SPRY3: variants seen among roughly 807,000 people sequenced by gnomAD.
SPRY3 encodes sprouty RTK signaling antagonist 3, also known as protein sprouty homolog 3.
In SPRY3, 15 loss-of-function variants were observed where a neutral mutation model predicts 20.2. The ratio of observed to expected loss-of-function variants is 0.74; its 90% CI spans 0.50 to 1.14. The LOEUF is 1.14. Ranked by LOEUF, SPRY3 falls within the 50% of genes most tolerant of loss-of-function variation. The pLI, the probability that SPRY3 is intolerant of heterozygous loss-of-function variation, is 0.00. For synonymous variants in SPRY3, 143 were observed against 136.5 expected, an observed-to-expected ratio of 1.05 and a Z score of -0.33; for missense variants, 364 against 363.9, an observed-to-expected ratio of 1.00 and a Z score of 0.00.
chrX:155,763,290 C>T (rs1019119716), intron 2 of SPRY3, among the ~76,000 whole-genome samples: 1 of 152,090 alleles, frequency 6.6e-6, no homozygotes, highest in African/African-American at 2.4e-5. Context: ...AAACTGACCT[C>T]CCCCTTCCAA....
intron 2 of SPRY3, among the ~76,000 whole-genome samples, chrX:155,737,229 G>A (rs696802): frequency 0.094 from 14,298 of 151,986 alleles, 1,347 homozygotes; most frequent in African/African-American, 0.25. Context: ...CTTCAGACTG[G>A]TTGTTTTTTT....
At chrX:155,747,508 C>T (rs1338975158) in intron 2 of SPRY3, among the ~76,000 whole-genome samples, 1 of 151,908 alleles carries the variant, frequency 6.6e-6, no homozygotes, top group Non-Finnish European at 1.5e-5. Flanking sequence ...GTTCTATCTC[C>T]ATTAATCCAT....
intron 2 of SPRY3, among the ~76,000 whole-genome samples, chrX:155,709,804 T>A (rs2090974078): frequency 6.6e-6 from 1 of 151,810 alleles, no homozygotes; most frequent in Admixed American, 6.6e-5. Context: ...TAGTCTTAGA[T>A]TTAAGTATTT....
intron 2 of SPRY3, among the ~76,000 whole-genome samples, chrX:155,740,768 C>T (rs1216861528): frequency 2.6e-5 from 4 of 152,108 alleles, no homozygotes; most frequent in Non-Finnish European, 5.9e-5. Context: ...AACATGTGAT[C>T]TTTGTTCTCC....
At chrX:155,708,805 G>A (rs1196585883) in intron 2 of SPRY3, among the ~76,000 whole-genome samples, 1 of 151,148 alleles carries the variant, frequency 6.6e-6, no homozygotes, top group African/African-American at 2.4e-5. Context: ...ATTGACTCTA[G>A]TTCCCCCATT....
chrX:155,624,777 G>A (rs963592551), intron 1 of SPRY3, among the ~76,000 whole-genome samples: 19 of 111,714 alleles, frequency 1.7e-4, no homozygotes, highest in South Asian at 7.3e-4. Flanking sequence ...CATAGTCCAG[G>A]ATAATGAACT....
At position 155,647,481 on chromosome X, in the gene SPRY3, A is replaced by G. The variant is rs868983338; in HGVS notation, c.-440-9386A>G. On this transcript the variant is annotated intron_variant, in intron 1 of 3. Transcript: ENST00000675360. ...TTGCCCCCACCCCCTGACAGGCCCCAGTGTGTGATGTTCCCCACCCTGTGC... is the reference window on the plus strand; with the variant it reads ...TTGCCCCCACCCCCTGACAGGCCCCGGTGTGTGATGTTCCCCACCCTGTGC... Among the ~76,000 whole-genome samples the G allele has an allele frequency of 4.5e-4, 48 of 106,425 alleles. 1 individual carries two copies. The highest frequency in any genetic ancestry group is 1.6e-3 in the African/African-American group (46 of 29,105). The allele number at this position is 106,425 out of a possible 115,157, so 92.4% of individuals were successfully genotyped here.
exon 4 of SPRY3, chrX:155,774,783 A>G: frequency 6.4e-7 from 1 of 1,567,632 alleles, no homozygotes. Flanking sequence ...TCGAGTCCCC[A>G]ACAGCAAAGC....
At chrX:155,711,619 C>T (rs2090986992) in intron 2 of SPRY3, among the ~76,000 whole-genome samples, 1 of 149,792 alleles carries the variant, frequency 6.7e-6, no homozygotes, top group African/African-American at 2.4e-5. Flanking sequence ...GTTTCATTGA[C>T]CTTTTGTATT....
At chrX:155,711,465 T>C (rs1602955046) in intron 2 of SPRY3, among the ~76,000 whole-genome samples, 1 of 151,568 alleles carries the variant, frequency 6.6e-6, no homozygotes, top group South Asian at 2.1e-4. Flanking sequence ...TAGCTGCTAG[T>C]GATCCTTTGA....
intron 2 of SPRY3, among the ~76,000 whole-genome samples, chrX:155,735,199 A>G (rs1263568860): frequency 1.3e-5 from 2 of 151,930 alleles, no homozygotes; most frequent in Admixed American, 6.6e-5. Context: ...TAATTCCAAT[A>G]TGGTCTAAGA....
chrX:155,651,439 G>A (rs782257450), intron 1 of SPRY3, among the ~76,000 whole-genome samples: 6 of 111,564 alleles, frequency 5.4e-5, no homozygotes, highest in South Asian at 3.7e-4. Context: ...CCCCCTGGTG[G>A]CTAATGATGT....
At chrX:155,635,544 G>A (rs1269879272) in intron 1 of SPRY3, among the ~76,000 whole-genome samples, 1 of 111,652 alleles carries the variant, frequency 9.0e-6, no homozygotes, top group Non-Finnish European at 1.9e-5. Flanking sequence ...CCATCAAAAA[G>A]TGGGCAAAGG....
intron 2 of SPRY3, among the ~76,000 whole-genome samples, chrX:155,742,833 G>A (rs2091209631): frequency 6.6e-6 from 1 of 152,108 alleles, no homozygotes; most frequent in South Asian, 2.1e-4. Flanking sequence ...CACAGCTAAA[G>A]CAGTGTTAAG....
chrX:155,678,679 A>G (rs767495623), intron 2 of SPRY3, among the ~76,000 whole-genome samples: 23 of 111,706 alleles, frequency 2.1e-4, no homozygotes, highest in Non-Finnish European at 4.0e-4. Context: ...GAGGGAAAGA[A>G]ACAGAAAACT....
chrX:155,653,643 G>A (rs1235345394), intron 1 of SPRY3, among the ~76,000 whole-genome samples: 7 of 111,931 alleles, frequency 6.3e-5, no homozygotes, highest in Admixed American at 5.7e-4. Flanking sequence ...ACATTGTTTG[G>A]ATTACTGTAG....
chrX:155,733,743 A>G (rs1008362869), intron 2 of SPRY3, among the ~76,000 whole-genome samples: 3 of 152,114 alleles, frequency 2.0e-5, no homozygotes, highest in Admixed American at 2.0e-4. Flanking sequence ...TTTCATCAAC[A>G]TTGAAATTCT....
intron 2 of SPRY3, among the ~76,000 whole-genome samples, chrX:155,722,053 AT>A (rs1171111036): frequency 6.6e-6 from 1 of 151,670 alleles, no homozygotes; most frequent in East Asian, 1.9e-4. Flanking sequence ...AACAAAAAAA[AT>A]TAAAAAGCAC....
chrX:155,748,857 A>G (rs1157823370), intron 2 of SPRY3, among the ~76,000 whole-genome samples: 2 of 151,960 alleles, frequency 1.3e-5, no homozygotes, highest in Non-Finnish European at 2.9e-5. Context: ...TACAGAAAAT[A>G]TGAATTCCAG....
Sources: allele counts gnomAD v4.1 joint callset (sites outside exome capture counted in the v4.1 genomes callset), GRCh38; gene constraint gnomAD v4.1.1; transcripts MANE v1.5; gene names NCBI Gene and HGNC (gene_info 2026-07-23, HGNC 2026-07-21).